Variants in SHC3 observed in about 807,000 individuals in gnomAD.
SHC3 encodes the protein SHC adaptor protein 3.
In SHC3, 15 loss-of-function variants were observed where a neutral mutation model predicts 60.4. The observed-to-expected ratio is 0.25, with a 90% confidence interval of 0.17 to 0.38. The LOEUF (loss-of-function observed/expected upper bound fraction) is 0.38. Among genes scored for constraint, SHC3 ranks in the 10% least tolerant of loss-of-function variants. The pLI, the probability that SHC3 is intolerant of heterozygous loss-of-function variation, is 1.00. For synonymous variants in SHC3, 294 were observed against 325.9 expected (o/e 0.90, Z 1.05); for missense variants, 677 against 786.1 (o/e 0.86, Z 1.66).
chr9:89,048,840 C>T (rs1231886784), intron 7 of SHC3, among the ~76,000 whole-genome samples: 2 of 152,094 alleles, frequency 1.3e-5, no homozygotes, highest in African/African-American at 2.4e-5. Flanking sequence ...CAGGAGATCC[C>T]CGTCACCCCG....
intron 1 of SHC3, among the ~76,000 whole-genome samples, chr9:89,136,513 G>A (rs755382443): frequency 1.3e-5 from 2 of 152,118 alleles, no homozygotes; most frequent in Non-Finnish European, 2.9e-5. Context: ...ACAAATGCCA[G>A]GAAATGTCAG....
intron 2 of SHC3, chr9:89,110,141 TAAG>T (rs1825924574): frequency 3.0e-6 from 3 of 985,416 alleles, no homozygotes; most frequent in African/African-American, 1.7e-5. Flanking sequence ...GCTTTCAAAC[TAAG>T]AAGATTTTAT....
At chr9:89,066,806 C>T (rs1200325280) in intron 5 of SHC3, among the ~76,000 whole-genome samples, 1 of 152,178 alleles carries the variant, frequency 6.6e-6, no homozygotes, top group East Asian at 1.9e-4. Flanking sequence ...CCCCTTCTCT[C>T]TCAACAGTGC....
chr9:89,155,288 C>T lies in SHC3; in HGVS notation c.474+22699G>A, dbSNP rs1053322971. ...TCTGAATGCTTGGCTTGCATTCTACCCGATGCCACACGCCCTTAATTCCCG... is the reference window on the plus strand; with the variant it reads ...TCTGAATGCTTGGCTTGCATTCTACTCGATGCCACACGCCCTTAATTCCCG... On this transcript the variant is annotated intron_variant, in intron 1 of 11. Coordinates refer to ENST00000375835, the MANE Select transcript of SHC3 (RefSeq NM_016848.6). Among the ~76,000 whole-genome samples, 4 of 152,174 alleles carry T rather than the reference C, an allele frequency of 2.6e-5. No individual in the cohort carries two copies. The East Asian group carries it at 5.8e-4, about 22-fold the overall frequency.
Position 89,037,592 on chromosome 9 carries a change from T to C in SHC3, c.1656+401A>G, listed in dbSNP as rs1824603254. 5 of 703,586 alleles carry C rather than the reference T, an allele frequency of 7.1e-6. No individual in the cohort carries two copies. In the South Asian group the frequency reaches 7.8e-5, roughly 11 times the overall value. The allele number at this position is 703,586 out of a possible 1,614,324, so 43.6% of individuals were successfully genotyped here. A position where few individuals can be genotyped will look rare whatever the true frequency, so the allele number is the denominator to read the frequency against. Reference sequence around the variant, plus strand: ...TTACTGATCATCACATTTTACAGCCTTAGAACAAAATCCTCAGTGATTCAA... The same window carrying C: ...TTACTGATCATCACATTTTACAGCCCTAGAACAAAATCCTCAGTGATTCAA... On this transcript the variant is annotated intron_variant, in intron 11 of 11. Transcript: ENST00000375835.
intron 1 of SHC3, among the ~76,000 whole-genome samples, chr9:89,172,528 G>C (rs927606067): frequency 2.0e-5 from 3 of 149,938 alleles, no homozygotes; most frequent in Admixed American, 6.6e-5. Flanking sequence ...CACAGACACA[G>C]ACACACACAC....
At chr9:89,085,154 G>A (rs560400419) in intron 2 of SHC3, among the ~76,000 whole-genome samples, 1 of 152,292 alleles carries the variant, frequency 6.6e-6, no homozygotes, top group Admixed American at 6.5e-5. Context: ...CAAAAGAAAA[G>A]GGGACCACTG....
At chr9:89,029,427 A>G (rs1309444554) in intron 11 of SHC3, among the ~76,000 whole-genome samples, 1 of 152,208 alleles carries the variant, frequency 6.6e-6, no homozygotes, top group Non-Finnish European at 1.5e-5. Flanking sequence ...CACCAGTCAT[A>G]CTACAACTAA....
rs576477737 is a variant in SHC3, at chr9:89,113,859, T to C, written c.475-1233A>G. Among the ~76,000 whole-genome samples, 6 of 152,346 alleles carry C rather than the reference T, an allele frequency of 3.9e-5. No homozygotes were observed. In the South Asian group the frequency reaches 1.2e-3, roughly 32 times the overall value. On this transcript the variant is annotated intron_variant, in intron 1 of 11. Coordinates refer to ENST00000375835, the MANE Select transcript of SHC3 (RefSeq NM_016848.6). ...TACCATCACAGTTATGTGAATTCCA[T>C]GACCAATGTCAGAGAAATATGAATT...
At chr9:89,143,103 T>A (rs891979617) in intron 1 of SHC3, among the ~76,000 whole-genome samples, 1 of 152,120 alleles carries the variant, frequency 6.6e-6, no homozygotes, top group Non-Finnish European at 1.5e-5. Context: ...AGTAAAGTAA[T>A]AAGAGAATGG....
At chr9:89,168,132 A>G (rs560283841) in intron 1 of SHC3, among the ~76,000 whole-genome samples, 12 of 152,182 alleles carry the variant, frequency 7.9e-5, no homozygotes, top group Non-Finnish European at 1.2e-4. Context: ...GCATCCATCT[A>G]TAGTAAACCC....
At chr9:89,123,958 G>A (rs998133593) in intron 1 of SHC3, among the ~76,000 whole-genome samples, 1 of 151,640 alleles carries the variant, frequency 6.6e-6, no homozygotes, top group Non-Finnish European at 1.5e-5. Flanking sequence ...ATCTGGTACT[G>A]GGCAAAAAGG....
intron 2 of SHC3, among the ~76,000 whole-genome samples, chr9:89,086,454 T>A (rs954736788): frequency 1.3e-5 from 2 of 152,204 alleles, no homozygotes; most frequent in Non-Finnish European, 2.9e-5. Flanking sequence ...GATGAAGTAA[T>A]GCATAGGATG....
At chr9:89,088,242 T>C (rs1113804) in intron 2 of SHC3, among the ~76,000 whole-genome samples, 19,870 of 152,220 alleles carry the variant, frequency 0.13, 1,721 homozygotes, top group Non-Finnish European at 0.19. Context: ...AGATAATAAC[T>C]CTTTCAACCA....
chr9:89,066,922 G>A (rs1825192869), intron 5 of SHC3, among the ~76,000 whole-genome samples: 1 of 152,080 alleles, frequency 6.6e-6, no homozygotes, highest in South Asian at 2.1e-4. Flanking sequence ...GGTGGTGCTG[G>A]GCACTTTTCC....
intron 6 of SHC3, among the ~76,000 whole-genome samples, chr9:89,059,871 T>C (rs1471608631): frequency 7.7e-6 from 1 of 129,392 alleles, no homozygotes; most frequent in Non-Finnish European, 1.6e-5. Flanking sequence ...TGGAGGATGG[T>C]GGTGGAGGAC....
chr9:89,097,856 A>G (rs1390566297), intron 2 of SHC3, among the ~76,000 whole-genome samples: 6 of 152,232 alleles, frequency 3.9e-5, no homozygotes, highest in Non-Finnish European at 7.3e-5. Flanking sequence ...AATAAATAAA[A>G]AATATTAACA....
intron 11 of SHC3, among the ~76,000 whole-genome samples, chr9:89,027,491 T>C (rs1826337349): frequency 6.6e-6 from 1 of 152,076 alleles, no homozygotes; most frequent in South Asian, 2.1e-4. Context: ...TAATTTTTTG[T>C]ATTTTTAGTA....
At chr9:89,111,029 G>A (rs1333770794) in intron 2 of SHC3, among the ~76,000 whole-genome samples, 1 of 151,930 alleles carries the variant, frequency 6.6e-6, no homozygotes, top group Non-Finnish European at 1.5e-5. Flanking sequence ...CTTGTTCTGT[G>A]CCCCTCAAAT....
Sources: gnomAD v4.1 joint callset for allele counts (sites outside exome capture counted in the v4.1 genomes callset) on GRCh38, gnomAD v4.1.1 for gene constraint, MANE v1.5 for transcripts, NCBI Gene and HGNC (gene_info 2026-07-23, HGNC 2026-07-21) for gene names.